The following KIRREL3 variants were observed in gnomAD, a reference collection of about 807,000 sequenced individuals.
KIRREL3 encodes the protein kin of IRRE-like protein 3.
A neutral mutation model predicts 89.7 loss-of-function variants in KIRREL3; 36 were observed. The observed-to-expected ratio is 0.40, with a 90% CI of 0.31 to 0.53. The LOEUF (loss-of-function observed/expected upper bound fraction) is 0.53. Among genes scored for constraint, KIRREL3 ranks in the 20% least tolerant of loss-of-function variants. The pLI is 0.49. For missense variants in KIRREL3, 864 were observed against 1,056.6 expected (o/e 0.82, Z 2.53); for synonymous variants, 445 against 441.4 (o/e 1.01, Z -0.10).
At chr11:126,630,418 C>G (rs1199747333) in intron 1 of KIRREL3, among the ~76,000 whole-genome samples, 1 of 152,186 alleles carries the variant, frequency 6.6e-6, no homozygotes, top group Non-Finnish European at 1.5e-5. Context: ...AGCAGGTTTT[C>G]TACCAATTGA....
At chr11:126,831,646 CT>C (rs1431015639) in intron 1 of KIRREL3, among the ~76,000 whole-genome samples, 1 of 152,146 alleles carries the variant, frequency 6.6e-6, no homozygotes, top group African/African-American at 2.4e-5. Context: ...CCCTGAGTGA[CT>C]TTTACCCCAA....
chr11:126,835,066 G>C (rs1011078989), intron 1 of KIRREL3, among the ~76,000 whole-genome samples: 4 of 152,154 alleles, frequency 2.6e-5, no homozygotes, highest in African/African-American at 7.2e-5. Context: ...TTCTACCATC[G>C]TGGAGTTTCC....
rs1025424064 is a variant in KIRREL3, at chr11:126,653,342, C to T, written c.56-90430G>A. On this transcript the variant is annotated intron_variant, in intron 1 of 16. Transcript: ENST00000525144. The surrounding 1 kb of genome is among the most constrained non-coding windows in gnomAD (Gnocchi z 5.4). The stretch of plus-strand genomic sequence containing the variant: ...TGGCAGAAGAGGCACCAGCTGGACC[C>T]GCCCAGGAAGCCAAGCCCCTGTGCT... Among the ~76,000 whole-genome samples, 1 of 152,152 alleles carries T rather than the reference C, an allele frequency of 6.6e-6. No individual in the cohort carries two copies. Among genetic ancestry groups the T allele is most frequent in the African/African-American group, 2.4e-5 (1 of 41,420 alleles).
chr11:126,588,439 G>T (rs1040062354), intron 1 of KIRREL3, among the ~76,000 whole-genome samples: 6 of 152,170 alleles, frequency 3.9e-5, no homozygotes, highest in African/African-American at 1.2e-4. Context: ...ATAGGGGTGG[G>T]AATAGGAATT....
chr11:126,437,054 C>T (rs764097506), intron 11 of KIRREL3, 45 bp from the exon 12 acceptor site: 30 of 1,453,634 alleles, frequency 2.1e-5, no homozygotes, highest in Admixed American at 4.9e-5. Flanking sequence ...CCAGAGGGGC[C>T]CAGGACACGC....
In KIRREL3 at chr11:126,990,972, T is replaced by C. The variant is rs602920; in HGVS notation, c.55+9483A>G. Among the ~76,000 whole-genome samples the C allele has an allele frequency of 0.16, 24,343 of 152,172 alleles. 2,290 individuals are homozygous for C. Among genetic ancestry groups the C allele is most frequent in the Middle Eastern group, 0.28 (82 of 294 alleles). ...CCCCAGTGTTACTCTGAAGCTGTCA[T>C]TGCTCCCAGCATTGCCAAGGGTGAC... is the stretch of plus-strand genomic sequence containing the variant. On this transcript the variant is annotated intron_variant, in intron 1 of 16. Transcript: ENST00000525144. This position sits in a 1 kb window ranked among gnomAD's most constrained non-coding sequence, Gnocchi z 6.3.
chr11:126,724,544 G>A lies in KIRREL3; in HGVS notation c.56-161632C>T, dbSNP rs1948303698. ...TGCCCTTGAGATGGGTGGGCTCCATGAATTTCCAGCTGAAGCAACACGTTT... is the reference window on the plus strand; with the variant it reads ...TGCCCTTGAGATGGGTGGGCTCCATAAATTTCCAGCTGAAGCAACACGTTT... On this transcript the variant is annotated intron_variant, in intron 1 of 16. Transcript: ENST00000525144. The surrounding 1 kb of genome is among the most constrained non-coding windows in gnomAD (Gnocchi z 4.3). Among the ~76,000 whole-genome samples the A allele has an allele frequency of 6.6e-6, 1 of 152,204 alleles. No homozygotes were observed. The highest frequency in any genetic ancestry group is 2.1e-4 in the South Asian group (1 of 4,830).
At chr11:126,712,299 A>AT (rs1172513834) in intron 1 of KIRREL3, among the ~76,000 whole-genome samples, 1 of 148,294 alleles carries the variant, frequency 6.7e-6, no homozygotes, top group Non-Finnish European at 1.5e-5. Flanking sequence ...GCGTGCATGC[A>AT]TTTTGGGGGG....
At position 126,445,914 on chromosome 11, in the gene KIRREL3, C is replaced by T. The variant is rs189356398; in HGVS notation, c.1126-809G>A. Reference sequence around the variant, plus strand: ...CTGTAATCCCAGCACTTTGGGAGGCCGAGGTGGGCGGATCACCTGAGGTTG... The same window carrying T: ...CTGTAATCCCAGCACTTTGGGAGGCTGAGGTGGGCGGATCACCTGAGGTTG... On this transcript the variant is annotated intron_variant, in intron 9 of 16. Transcript: ENST00000525144. Among the ~76,000 whole-genome samples, 326 of 152,190 alleles carry T rather than the reference C, an allele frequency of 2.1e-3. 6 individuals are homozygous for T. The highest frequency in any genetic ancestry group is 0.018 in the Admixed American group (275 of 15,282).
intron 1 of KIRREL3, among the ~76,000 whole-genome samples, chr11:126,941,272 C>A (rs1264056957): frequency 1.3e-5 from 2 of 150,608 alleles, no homozygotes; most frequent in Non-Finnish European, 3.0e-5. Context: ...AACAAAAAAC[C>A]CTCCATTGTC....
At position 126,489,685 on chromosome 11, in the gene KIRREL3, CA is replaced by C. The variant is rs1361879165; in HGVS notation, c.434-16220del. 6.6e-6 allele frequency among the ~76,000 whole-genome samples: 1 copy of C among 152,120 alleles called. No individual in the cohort carries two copies. The highest frequency in any genetic ancestry group is 1.5e-5 in the Non-Finnish European group (1 of 68,028). ...CTTCCCCTCTGCATTCCCCACTCTC[CA>C]CCTTCCACCACCCCTTTCTCAGGGG... On this transcript the variant is annotated intron_variant, in intron 4 of 16. Transcript: ENST00000525144. The surrounding 1 kb of genome is among the most constrained non-coding windows in gnomAD (Gnocchi z 5.5).
rs991293762 is a variant in KIRREL3, at chr11:126,474,783, G to C, written c.434-1317C>G. 2.6e-5 allele frequency among the ~76,000 whole-genome samples: 4 copies of C among 152,234 alleles called. No homozygotes were observed. The highest frequency in any genetic ancestry group is 9.6e-5 in the African/African-American group (4 of 41,464). On this transcript the variant is annotated intron_variant, in intron 4 of 16. Coordinates refer to ENST00000525144, the MANE Select transcript of KIRREL3 (RefSeq NM_032531.4). The surrounding 1 kb of genome is among the most constrained non-coding windows in gnomAD (Gnocchi z 6.7). ...GCTGGCCCCACTGGGGTCACCCTTTGATTCCGATGAGGACCATGGGCTGAA... is the reference window on the plus strand; with the variant it reads ...GCTGGCCCCACTGGGGTCACCCTTTCATTCCGATGAGGACCATGGGCTGAA...
chr11:126,547,348 C>T (rs1362010441), intron 2 of KIRREL3, among the ~76,000 whole-genome samples: 1 of 152,216 alleles, frequency 6.6e-6, no homozygotes, highest in Non-Finnish European at 1.5e-5. Context: ...AGGAAAGACT[C>T]TCATTTTGTT....
At chr11:126,560,293 A>G (rs374227645) in intron 2 of KIRREL3, among the ~76,000 whole-genome samples, 15 of 152,252 alleles carry the variant, frequency 9.9e-5, no homozygotes, top group South Asian at 2.1e-4. Context: ...ACACACACAC[A>G]TACACTCTCC....
At position 126,843,696 on chromosome 11, in the gene KIRREL3, G is replaced by A. The variant is rs1299874692; in HGVS notation, c.55+156759C>T. Reference sequence around the variant, plus strand: ...TCCCAGTAAGTTAATCACAGAATGAGATAGGAGGTCAGCACAAGATACAGG... The same window carrying A: ...TCCCAGTAAGTTAATCACAGAATGAAATAGGAGGTCAGCACAAGATACAGG... On this transcript the variant is annotated intron_variant, in intron 1 of 16. Coordinates refer to ENST00000525144, the MANE Select transcript of KIRREL3 (RefSeq NM_032531.4). This position sits in a 1 kb window ranked among gnomAD's most constrained non-coding sequence, Gnocchi z 4.6. 6.6e-6 allele frequency among the ~76,000 whole-genome samples: 1 copy of A among 152,160 alleles called. No individual in the cohort carries two copies. The highest frequency in any genetic ancestry group is 2.4e-5 in the African/African-American group (1 of 41,440).
chr11:126,770,264 CA>C (rs1367663965), intron 1 of KIRREL3, among the ~76,000 whole-genome samples: 1 of 152,178 alleles, frequency 6.6e-6, no homozygotes, highest in East Asian at 1.9e-4. Context: ...TTGCCTTAAA[CA>C]TGCCTGAGAG....
At position 126,668,248 on chromosome 11, in the gene KIRREL3, G is replaced by A. The variant is rs1056356679; in HGVS notation, c.56-105336C>T. Reference sequence around the variant, plus strand: ...TGCCTTCTCTCTGTGTCCTTACATCGTGGAAGGGACAAGAGGCCTTTCTTG... The same window carrying A: ...TGCCTTCTCTCTGTGTCCTTACATCATGGAAGGGACAAGAGGCCTTTCTTG... On this transcript the variant is annotated intron_variant, in intron 1 of 16. Coordinates refer to ENST00000525144, the MANE Select transcript of KIRREL3 (RefSeq NM_032531.4). The surrounding 1 kb of genome is among the most constrained non-coding windows in gnomAD (Gnocchi z 4.4). Among the ~76,000 whole-genome samples the A allele has an allele frequency of 1.3e-5, 2 of 152,100 alleles. No homozygotes were observed. The highest frequency in any genetic ancestry group is 2.4e-5 in the African/African-American group (1 of 41,412).
rs1958413836 is a variant in KIRREL3 at position 126,516,509 on chromosome 11, G to T, written c.433+4806C>A. On this transcript the variant is annotated intron_variant, in intron 4 of 16. Coordinates refer to ENST00000525144, the MANE Select transcript of KIRREL3 (RefSeq NM_032531.4). This position sits in a 1 kb window ranked among gnomAD's most constrained non-coding sequence, Gnocchi z 4.9. ...CCGCCTTCTCTCTGCCAGAATGCAAGCTCCACCAGGGCAAGGATGGTTTTC... is the reference window on the plus strand; with the variant it reads ...CCGCCTTCTCTCTGCCAGAATGCAATCTCCACCAGGGCAAGGATGGTTTTC... Among the ~76,000 whole-genome samples, 1 of 152,172 alleles carries T rather than the reference G, an allele frequency of 6.6e-6. No individual in the cohort carries two copies. Among genetic ancestry groups the T allele is most frequent in the South Asian group, 2.1e-4 (1 of 4,828 alleles).
Position 126,817,918 on chromosome 11 carries a change from C to T in KIRREL3, c.55+182537G>A, listed in dbSNP as rs899927176. On this transcript the variant is annotated intron_variant, in intron 1 of 16. Transcript: ENST00000525144. This position sits in a 1 kb window ranked among gnomAD's most constrained non-coding sequence, Gnocchi z 5.7. ...ATCTTGGCACCCCGTCCTCTTGGCT[C>T]TGGCTGAGCCACTCAGCTCTTGAAT... Among the ~76,000 whole-genome samples the T allele has an allele frequency of 8.5e-5, 13 of 152,222 alleles. No individual in the cohort carries two copies. The highest frequency in any genetic ancestry group is 3.3e-4 in the Admixed American group (5 of 15,290).
Sources: gnomAD v4.1 joint callset for allele counts (sites outside exome capture counted in the v4.1 genomes callset) on GRCh38, gnomAD v4.1.1 for gene constraint, Gnocchi (gnomAD v3.1) non-coding constraint, MANE v1.5 for transcripts, NCBI Gene and HGNC (gene_info 2026-07-23, HGNC 2026-07-21) for gene names.